CAST: variants seen among roughly 807,000 people sequenced by gnomAD.
The protein encoded by CAST is MIR583 host.
CAST carries 76 observed loss-of-function variants against 119.6 expected under a neutral mutation model. The ratio of observed to expected loss-of-function variants is 0.64; its 90% confidence interval spans 0.53 to 0.77. The LOEUF (loss-of-function observed/expected upper bound fraction) is 0.77, where lower values mean the gene tolerates loss of function less well. Among genes scored for constraint, CAST ranks in the 30% least tolerant of loss-of-function variants. The pLI is 0.00. For synonymous variants in CAST, 319 were observed against 331.6 expected (o/e 0.96, Z 0.41); for missense variants, 953 against 946.5 (o/e 1.01, Z -0.09).
At chr5:96,576,375 C>T (rs1180690033) in intron 1 of CAST, among the ~76,000 whole-genome samples, 1 of 151,968 alleles carries the variant, frequency 6.6e-6, no homozygotes. Flanking sequence ...GACAGAGTCT[C>T]ACTCTGTCAC....
intron 1 of CAST, among the ~76,000 whole-genome samples, chr5:96,563,641 G>A (rs565682695): frequency 1.2e-4 from 16 of 131,462 alleles, no homozygotes; most frequent in South Asian, 4.8e-4. Flanking sequence ...CATATTACAT[G>A]TATTACTTAT....
At chr5:96,305,989 C>T in the CAST span, among the ~76,000 whole-genome samples, 6 of 152,092 alleles carry the variant, frequency 3.9e-5, no homozygotes, top group African/African-American at 1.4e-4. Context: ...AGGAGGAGTC[C>T]CTCTTTTTCT....
At chr5:95,967,350 C>T in the CAST span, among the ~76,000 whole-genome samples, 1 of 151,696 alleles carries the variant, frequency 6.6e-6, no homozygotes, top group African/African-American at 2.4e-5. Flanking sequence ...AGGCTGCAGT[C>T]CACTATGATC....
chr5:96,658,912 C>A (rs538493783), upstream of CAST, among the ~76,000 whole-genome samples: 1 of 152,290 alleles, frequency 6.6e-6, no homozygotes, highest in East Asian at 1.9e-4. Flanking sequence ...TGATGTATTG[C>A]CAAAATATGG....
intron 1 of CAST, among the ~76,000 whole-genome samples, chr5:96,536,736 C>T (rs115499120): frequency 7.4e-4 from 112 of 152,232 alleles, no homozygotes; most frequent in African/African-American, 2.7e-3. Context: ...AAATTCTAAT[C>T]ATAATTTGGG....
intron 1 of CAST, among the ~76,000 whole-genome samples, chr5:96,612,864 T>C (rs927164861): frequency 3.9e-5 from 6 of 152,198 alleles, no homozygotes; most frequent in Admixed American, 2.6e-4. Flanking sequence ...TATACACACA[T>C]ATATACATAC....
rs1390393003 is a variant in CAST, at chr5:96,712,828, C to T, written c.211-9811C>T. ...GAGAACCTTGTTACAGTTCTCATGA[C>T]GTTGGCTTTTTAATTAAGAATATTC... On this transcript the variant is annotated intron_variant, in intron 3 of 31. Transcript: ENST00000675179. 3.3e-5 allele frequency among the ~76,000 whole-genome samples: 5 copies of T among 152,102 alleles called. No individual in the cohort carries two copies. In the East Asian group the frequency reaches 5.8e-4, roughly 18 times the overall value.
the CAST span, among the ~76,000 whole-genome samples, chr5:96,338,860 C>T: frequency 2.7e-4 from 41 of 152,242 alleles, no homozygotes; most frequent in African/African-American, 9.1e-4. Context: ...GGCTACTTCT[C>T]ATGTTTCTGT....
chr5:96,465,164 A>G, the CAST span, among the ~76,000 whole-genome samples: 19 of 152,080 alleles, frequency 1.2e-4, 1 homozygote, highest in East Asian at 7.7e-4. Context: ...ATATTTTATA[A>G]TAGTGTAAAT....
chr5:96,239,145 A>T, the CAST span, among the ~76,000 whole-genome samples: 1 of 152,138 alleles, frequency 6.6e-6, no homozygotes, highest in African/African-American at 2.4e-5. Flanking sequence ...TGTTTTTAAA[A>T]TTTTAATTTT....
chr5:96,094,340 G>A, the CAST span, among the ~76,000 whole-genome samples: 2 of 152,082 alleles, frequency 1.3e-5, no homozygotes, highest in African/African-American at 4.8e-5. Flanking sequence ...GACTAAGGGA[G>A]CCAGTAATAC....
In CAST at chr5:96,644,736, A is replaced by T. The variant is rs576503741; in HGVS notation, c.61-30803A>T. On this transcript the variant is annotated intron_variant, in intron 1 of 11. Coordinates refer to the CAST transcript ENST00000505143. ...ACGCCTGTAATCTCAGCACTTTGGGAGGGTGAGGCGAGTGGACCATTTGAG... is the reference window on the plus strand; with the variant it reads ...ACGCCTGTAATCTCAGCACTTTGGGTGGGTGAGGCGAGTGGACCATTTGAG... 2.2e-4 allele frequency among the ~76,000 whole-genome samples: 34 copies of T among 152,298 alleles called. No homozygotes were observed. In the South Asian group the frequency reaches 7.0e-3, roughly 32 times the overall value.
At chr5:96,161,617 A>G in the CAST span, among the ~76,000 whole-genome samples, 1 of 152,158 alleles carries the variant, frequency 6.6e-6, no homozygotes, top group Non-Finnish European at 1.5e-5. Context: ...TTGCATTTCC[A>G]TATGAATTTA....
the CAST span, among the ~76,000 whole-genome samples, chr5:96,161,267 A>T: frequency 6.6e-5 from 10 of 152,172 alleles, no homozygotes; most frequent in African/African-American, 2.4e-4. Flanking sequence ...CCAGTTTTCT[A>T]TTTTGAGTTA....
the CAST span, among the ~76,000 whole-genome samples, chr5:96,201,144 T>G: frequency 1.3e-5 from 2 of 152,152 alleles, no homozygotes; most frequent in Non-Finnish European, 2.9e-5. Context: ...ATTATTTTCC[T>G]ACTATAATAA....
In CAST at chr5:96,737,943, T is replaced by A. The variant is rs1761982520; in HGVS notation, c.794T>A (p.Val265Asp). ...AATACAACGTATACTGGACCAGAAG[T>A]TTCAGTATGTGATCATGATATCTGT... ...EENTTYTGPE[V>D]SDPMSSTYIE... Residue 265 changes from valine to aspartate, a missense_variant, in exon 11 of 32, where the codon GTT becomes GAT. Coordinates refer to ENST00000675179, the MANE Select transcript of CAST (RefSeq NM_001750.7). 2 of 1,535,986 alleles carry A rather than the reference T, an allele frequency of 1.3e-6. No homozygotes were observed.
chr5:96,543,631 T>C (rs1164132979), intron 1 of CAST, among the ~76,000 whole-genome samples: 1 of 152,208 alleles, frequency 6.6e-6, no homozygotes, highest in Non-Finnish European at 1.5e-5. Context: ...TTTTTCATAG[T>C]CTGTGCTTTT....
the CAST span, among the ~76,000 whole-genome samples, chr5:96,422,987 G>T: frequency 2.0e-5 from 3 of 151,344 alleles, no homozygotes; most frequent in East Asian, 5.8e-4. Flanking sequence ...CAGGCAAGGG[G>T]CTTGATTTGA....
At chr5:96,103,000 C>A in the CAST span, among the ~76,000 whole-genome samples, 1 of 151,782 alleles carries the variant, frequency 6.6e-6, no homozygotes, top group Admixed American at 6.6e-5. Flanking sequence ...ATATTTTGTT[C>A]CATGCACTGA....
Sources: gnomAD v4.1 joint callset for allele counts (sites outside exome capture counted in the v4.1 genomes callset) on GRCh38, gnomAD v4.1.1 for gene constraint, MANE v1.5 for transcripts, NCBI Gene and HGNC (gene_info 2026-07-23, HGNC 2026-07-21) for gene names.